NR2C2AP: variants seen among roughly 807,000 people sequenced by gnomAD.
The protein encoded by NR2C2AP is nuclear receptor 2C2-associated protein.
Under a neutral mutation model 19.1 loss-of-function variants are expected in NR2C2AP, and 13 were observed. The observed-to-expected ratio is 0.68, with a 90% CI of 0.44 to 1.08. The LOEUF (loss-of-function observed/expected upper bound fraction) is 1.08. Ranked by LOEUF, NR2C2AP falls within the 50% of genes least tolerant of loss-of-function variation. NR2C2AP has a pLI of 0.00. For missense variants in NR2C2AP, 181 were observed against 172.7 expected, an observed-to-expected ratio of 1.05 and a Z score of -0.27; for synonymous variants, 81 against 64.4, an observed-to-expected ratio of 1.26 and a Z score of -1.23.
rs1371103352 is a variant in NR2C2AP at position 19,202,584 on chromosome 19, A to C, written c.130-9T>G. The C allele has an allele frequency of 6.2e-7, 1 of 1,608,808 alleles. No homozygotes were observed. Among genetic ancestry groups the C allele is most frequent in the Non-Finnish European group, 8.5e-7 (1 of 1,176,900 alleles). ...ACCCACTGGGAGGGGCCCTGGAAGCAGACAGGGAAACTGAGGCGCAAGCTC... is the reference window on the plus strand; with the variant it reads ...ACCCACTGGGAGGGGCCCTGGAAGCCGACAGGGAAACTGAGGCGCAAGCTC... On this transcript the variant is annotated splice_polypyrimidine_tract_variant and intron_variant, in intron 2 of 4. Coordinates refer to ENST00000331552, the MANE Select transcript of NR2C2AP (RefSeq NM_176880.6).
rs910223292 is a variant in NR2C2AP, at chr19:19,203,255, G to A, written c.-195C>T. The A allele has an allele frequency of 2.1e-5, 13 of 626,212 alleles. No homozygotes were observed. The highest frequency in any genetic ancestry group is 3.6e-5 in the African/African-American group (2 of 54,996). 38.8% of individuals were successfully genotyped at this position (626,212 alleles called of 1,614,324 possible). A position where few individuals can be genotyped will look rare whatever the true frequency, so the allele number is the denominator to read the frequency against. ...ATGTCGCCTCGATCAATCCCCTGCC[G>A]GAAAATTTGGGAGAGAGGATCAGGG... On this transcript the variant is annotated 5_prime_UTR_variant, in exon 1 of 5. Coordinates refer to ENST00000331552, the MANE Select transcript of NR2C2AP (RefSeq NM_176880.6).
Position 19,201,578 on chromosome 19 carries a change from C to G in NR2C2AP, c.*347G>C. 1 of 1,611,358 alleles carries G rather than the reference C, an allele frequency of 6.2e-7. No individual in the cohort carries two copies. Among genetic ancestry groups the G allele is most frequent in the Non-Finnish European group, 8.5e-7 (1 of 1,179,900 alleles). On this transcript the variant is annotated 3_prime_UTR_variant, in exon 5 of 5. Coordinates refer to ENST00000331552, the MANE Select transcript of NR2C2AP (RefSeq NM_176880.6). Reference sequence around the variant, plus strand: ...CTGTTTGTCCCCTAAGGGGAGAGCGCAGGTTGGCCTGTGCCTCCACCCCAC... The same window carrying G: ...CTGTTTGTCCCCTAAGGGGAGAGCGGAGGTTGGCCTGTGCCTCCACCCCAC...
chr19:19,202,999 C>T, intron 1 of NR2C2AP, 24 bp downstream of exon 1: 2 of 1,614,100 alleles, frequency 1.2e-6, no homozygotes, highest in South Asian at 2.2e-5. Flanking sequence ...GGCCTCGCCA[C>T]TGCCTGTCCC....
At chr19:19,202,608 T>C in intron 2 of NR2C2AP, 33 bp from the exon 3 acceptor site, 1 of 1,567,044 alleles carries the variant, frequency 6.4e-7, no homozygotes, top group Non-Finnish European at 8.8e-7. Context: ...AGGCGCAAGC[T>C]CACTGCAGGC....
intron 1 of NR2C2AP, 39 bp downstream of exon 1, chr19:19,202,984 C>T (rs2146525973): frequency 1.9e-6 from 3 of 1,613,876 alleles, no homozygotes; most frequent in Non-Finnish European, 1.7e-6. Flanking sequence ...CGACCCCAGG[C>T]TTAGGGCCTC....
At chr19:19,202,246 C>CA (rs1164549378) in intron 4 of NR2C2AP, 85 bp downstream of exon 4, 2 of 1,365,226 alleles carry the variant, frequency 1.5e-6, no homozygotes, top group African/African-American at 2.9e-5. Flanking sequence ...TTCAAGATCA[C>CA]ACATCAGGGT....
chr19:19,201,783 C>T lies in NR2C2AP; in HGVS notation c.*142G>A. The T allele has an allele frequency of 6.2e-7, 1 of 1,613,362 alleles. No homozygotes were observed. The highest frequency in any genetic ancestry group is 1.7e-4 in the Middle Eastern group (1 of 6,060). On this transcript the variant is annotated 3_prime_UTR_variant, in exon 5 of 5. Transcript: ENST00000331552. The stretch of plus-strand genomic sequence containing the variant: ...ATGGTCAGCCAGAGCTGGGGAAACC[C>T]AGAACTGACTTCAAAGGCAGCTTCT...
At position 19,201,676 on chromosome 19, in the gene NR2C2AP, T is replaced by C. The variant is rs2060721271; in HGVS notation, c.*249A>G. ...CAACAGGTGATCGAGAACCACATCC[T>C]CAAGCTCTTCCAGAGCAACCTGGTG... On this transcript the variant is annotated 3_prime_UTR_variant, in exon 5 of 5. Coordinates refer to ENST00000331552, the MANE Select transcript of NR2C2AP (RefSeq NM_176880.6). 6.2e-6 allele frequency: 10 copies of C among 1,614,098 alleles called. No individual in the cohort carries two copies. Among genetic ancestry groups the C allele is most frequent in the Non-Finnish European group, 8.5e-6 (10 of 1,180,020 alleles).
At position 19,201,810 on chromosome 19, in the gene NR2C2AP, G is replaced by T. The variant is rs1377560003; in HGVS notation, c.*115C>A. ...GAACTGACTTCAAAGGCAGCTTCTG[G>T]ACAGGTGGTGGGAGGGGACCCTTCC... On this transcript the variant is annotated 3_prime_UTR_variant, in exon 5 of 5. Coordinates refer to ENST00000331552, the MANE Select transcript of NR2C2AP (RefSeq NM_176880.6). 40 of 1,612,386 alleles carry T rather than the reference G, an allele frequency of 2.5e-5. No individual in the cohort carries two copies. The South Asian group carries it at 4.2e-4, about 17-fold the overall frequency.
At chr19:19,202,095 CCCCCA>C in intron 4 of NR2C2AP, 54 bp from the exon 5 acceptor site, 1 of 1,581,016 alleles carries the variant, frequency 6.3e-7, no homozygotes, top group Non-Finnish European at 8.7e-7. Flanking sequence ...CACCCGCAGG[CCCCCA>C]CCCCTTCCAG....
At chr19:19,202,758 C>T (rs1026064455) in intron 2 of NR2C2AP, 33 bp downstream of exon 2, 1 of 1,587,600 alleles carries the variant, frequency 6.3e-7, no homozygotes, top group Non-Finnish European at 8.6e-7. Flanking sequence ...TCTGAATCAC[C>T]CTAGAGATGG....
intron 2 of NR2C2AP, 46 bp downstream of exon 2, chr19:19,202,745 G>T: frequency 6.4e-7 from 1 of 1,562,380 alleles, no homozygotes; most frequent in South Asian, 1.1e-5. Context: ...CATGAGATCT[G>T]AATCTGAATC....
rs1170345538 is a variant in NR2C2AP at position 19,202,578 on chromosome 19, G to A, written c.130-3C>T. The A allele has an allele frequency of 6.2e-7, 1 of 1,611,546 alleles. No individual in the cohort carries two copies. Among genetic ancestry groups the A allele is most frequent in the Admixed American group, 1.7e-5 (1 of 59,970 alleles). ...AGCGTCACCCACTGGGAGGGGCCCTGGAAGCAGACAGGGAAACTGAGGCGC... is the reference window on the plus strand; with the variant it reads ...AGCGTCACCCACTGGGAGGGGCCCTAGAAGCAGACAGGGAAACTGAGGCGC... On this transcript the variant is annotated splice_region_variant and splice_polypyrimidine_tract_variant and intron_variant, in intron 2 of 4. Transcript: ENST00000331552.
At position 19,201,707 on chromosome 19, in the gene NR2C2AP, T is replaced by A; in HGVS notation, c.*218A>T. 1.2e-6 allele frequency: 2 copies of A among 1,614,096 alleles called. No individual in the cohort carries two copies. The highest frequency in any genetic ancestry group is 1.7e-6 in the Non-Finnish European group (2 of 1,180,016). ...TCTTCCAGAGCAACCTGGTGCCCGC[T>A]GACCCTGAGTGAAGGCCGCCTGCCG... is the stretch of plus-strand genomic sequence containing the variant. On this transcript the variant is annotated 3_prime_UTR_variant, in exon 5 of 5. Transcript: ENST00000331552.
rs768433483 is a variant in NR2C2AP at position 19,201,677 on chromosome 19, C to G, written c.*248G>C. On this transcript the variant is annotated 3_prime_UTR_variant, in exon 5 of 5. Coordinates refer to ENST00000331552, the MANE Select transcript of NR2C2AP (RefSeq NM_176880.6). ...AACAGGTGATCGAGAACCACATCCT[C>G]AAGCTCTTCCAGAGCAACCTGGTGC... 6 of 1,614,054 alleles carry G rather than the reference C, an allele frequency of 3.7e-6. No homozygotes were observed. In the African/African-American group the frequency reaches 6.7e-5, roughly 18 times the overall value.
At chr19:19,202,953 C>T in intron 1 of NR2C2AP, 70 bp downstream of exon 1, 1 of 1,609,860 alleles carries the variant, frequency 6.2e-7, no homozygotes, top group Non-Finnish European at 8.5e-7. Flanking sequence ...GCCTGACCCC[C>T]AGATCTGTCC....
intron 4 of NR2C2AP, 60 bp downstream of exon 4, chr19:19,202,271 G>T: frequency 1.3e-6 from 2 of 1,525,146 alleles, no homozygotes; most frequent in Non-Finnish European, 1.8e-6. Flanking sequence ...ATTCGGGTTT[G>T]GGTGAGTCCA....
chr19:19,201,761 G>A lies in NR2C2AP; in HGVS notation c.*164C>T, dbSNP rs372322966. On this transcript the variant is annotated 3_prime_UTR_variant, in exon 5 of 5. Transcript: ENST00000331552. ...ACTCAGACACTCAGGGAACAAAATG[G>A]TCAGCCAGAGCTGGGGAAACCCAGA... The A allele has an allele frequency of 1.9e-6, 3 of 1,613,462 alleles. No homozygotes were observed. The highest frequency in any genetic ancestry group is 1.7e-5 in the Admixed American group (1 of 60,006).
At chr19:19,202,601 C>T (rs575697131) in intron 2 of NR2C2AP, 26 bp from the exon 3 acceptor site, 13 of 1,581,854 alleles carry the variant, frequency 8.2e-6, no homozygotes, top group African/African-American at 4.0e-5. Flanking sequence ...GAAACTGAGG[C>T]GCAAGCTCAC....
Sources: allele counts gnomAD v4.1 joint callset, GRCh38; gene constraint gnomAD v4.1.1; transcripts MANE v1.5; gene names NCBI Gene and HGNC (gene_info 2026-07-23, HGNC 2026-07-21).